ST6GALNAC3: variants seen among roughly 807,000 people sequenced by gnomAD.
The protein encoded by ST6GALNAC3 is alpha-N-acetylgalactosaminide alpha-2,6-sialyltransferase 3.
A neutral mutation model predicts 32.7 loss-of-function variants in ST6GALNAC3; 25 were observed. The ratio of observed to expected loss-of-function variants is 0.76; its 90% CI spans 0.56 to 1.07. ST6GALNAC3 has a LOEUF of 1.07. Among genes scored for constraint, ST6GALNAC3 ranks in the 50% least tolerant of loss-of-function variants. The pLI, the probability that ST6GALNAC3 is intolerant of heterozygous loss-of-function variation, is 0.00. For missense variants in ST6GALNAC3, 355 were observed against 382.4 expected (o/e 0.93, Z 0.60); for synonymous variants, 129 against 133.1 (o/e 0.97, Z 0.21).
chr1:76,183,540 A>T (rs1328430345), intron 1 of ST6GALNAC3, among the ~76,000 whole-genome samples: 1 of 152,040 alleles, frequency 6.6e-6, no homozygotes, highest in East Asian at 1.9e-4. Flanking sequence ...AATAACAGGG[A>T]TACATTCTGA....
chr1:76,158,300 G>A (rs1651591169), intron 1 of ST6GALNAC3, among the ~76,000 whole-genome samples: 1 of 152,040 alleles, frequency 6.6e-6, no homozygotes, highest in South Asian at 2.1e-4. Flanking sequence ...GAATATATGG[G>A]AGGAGGGATC....
intron 3 of ST6GALNAC3, among the ~76,000 whole-genome samples, chr1:76,474,844 T>G (rs1006290275): frequency 2.0e-5 from 3 of 152,178 alleles, no homozygotes; most frequent in African/African-American, 7.2e-5. Flanking sequence ...TTGCACCTTA[T>G]TTTAGTTGCA....
At chr1:76,427,751 C>A (rs1655492991) in intron 3 of ST6GALNAC3, among the ~76,000 whole-genome samples, 1 of 152,106 alleles carries the variant, frequency 6.6e-6, no homozygotes, top group African/African-American at 2.4e-5. Context: ...ATAACTGAGA[C>A]AACCCCATTG....
At chr1:76,487,545 C>T (rs1339739486) in intron 3 of ST6GALNAC3, among the ~76,000 whole-genome samples, 4 of 152,158 alleles carry the variant, frequency 2.6e-5, no homozygotes, top group Admixed American at 6.5e-5. Context: ...GCATTCATCG[C>T]GTAGTTCTCG....
At chr1:76,180,417 G>A (rs887819650) in intron 1 of ST6GALNAC3, among the ~76,000 whole-genome samples, 18 of 152,130 alleles carry the variant, frequency 1.2e-4, no homozygotes, top group African/African-American at 3.9e-4. Context: ...TGATGCCGAC[G>A]GGAGACAGGG....
intron 3 of ST6GALNAC3, among the ~76,000 whole-genome samples, chr1:76,571,789 T>C (rs1213130262): frequency 6.6e-6 from 1 of 152,086 alleles, no homozygotes; most frequent in Non-Finnish European, 1.5e-5. Flanking sequence ...CTGTACTTTG[T>C]ACTATTGGGT....
Position 76,630,468 on chromosome 1 carries a change from G to C in ST6GALNAC3, c.*1662G>C. The stretch of plus-strand genomic sequence containing the variant: ...TCATATACTCGTTGCTCATTAAATA[G>C]TAAAGGGTTGATTTGCTGCAAGAGT... On this transcript the variant is annotated 3_prime_UTR_variant, in exon 5 of 5. Transcript: ENST00000328299. 1 of 985,216 alleles carries C rather than the reference G, an allele frequency of 1.0e-6. No homozygotes were observed. The highest frequency in any genetic ancestry group is 1.2e-6 in the Non-Finnish European group (1 of 829,826). 61.0% of individuals were successfully genotyped at this position (985,216 alleles called of 1,614,324 possible).
chr1:76,478,722 A>T (rs1223780280), intron 3 of ST6GALNAC3, among the ~76,000 whole-genome samples: 1 of 150,786 alleles, frequency 6.6e-6, no homozygotes, highest in Non-Finnish European at 1.5e-5. Flanking sequence ...CTCTATGGTC[A>T]GATTCGTGAC....
intron 1 of ST6GALNAC3, among the ~76,000 whole-genome samples, chr1:76,254,288 G>C (rs1657792745): frequency 6.6e-6 from 1 of 152,094 alleles, no homozygotes; most frequent in African/African-American, 2.4e-5. Context: ...TGTTAAGCTG[G>C]ATACTGGTGT....
At chr1:76,126,418 C>T (rs1649246120) in intron 1 of ST6GALNAC3, among the ~76,000 whole-genome samples, 1 of 102,702 alleles carries the variant, frequency 9.7e-6, no homozygotes, top group Non-Finnish European at 2.1e-5. Context: ...CTCCCTCCCT[C>T]CTGCCTTTCC....
chr1:76,580,387 C>T (rs1194769977), intron 3 of ST6GALNAC3, among the ~76,000 whole-genome samples: 1 of 152,138 alleles, frequency 6.6e-6, no homozygotes. Flanking sequence ...CTTTCTGTTT[C>T]TTGCTCTTTC....
intron 1 of ST6GALNAC3, among the ~76,000 whole-genome samples, chr1:76,245,409 T>C (rs1275388240): frequency 6.6e-6 from 1 of 152,040 alleles, no homozygotes; most frequent in Non-Finnish European, 1.5e-5. Flanking sequence ...TTTTGAAGGG[T>C]TTTTTGTAGG....
At chr1:76,389,678 A>G (rs1652385431) in intron 2 of ST6GALNAC3, among the ~76,000 whole-genome samples, 1 of 152,256 alleles carries the variant, frequency 6.6e-6, no homozygotes, top group African/African-American at 2.4e-5. Context: ...CTTTAAGATC[A>G]TTTTTAACTC....
rs915285805 is a variant in ST6GALNAC3, at chr1:76,634,578, G to C, written c.*5772G>C. On this transcript the variant is annotated 3_prime_UTR_variant, in exon 5 of 5. Transcript: ENST00000328299. ...CTTTATTTATAAGCATTGTGTCTTAGAATAAAGCTTACAAAATGGCAAAGA... is the reference window on the plus strand; with the variant it reads ...CTTTATTTATAAGCATTGTGTCTTACAATAAAGCTTACAAAATGGCAAAGA... 2.7e-5 allele frequency: 4 copies of C among 150,122 alleles called. No homozygotes were observed. Among genetic ancestry groups the C allele is most frequent in the Non-Finnish European group, 4.4e-5 (3 of 67,674 alleles). The allele number at this position is 150,122 out of a possible 1,614,324, so 9.3% of individuals were successfully genotyped here. A position where few individuals can be genotyped will look rare whatever the true frequency, so the allele number is the denominator to read the frequency against.
At chr1:76,201,714 A>G (rs985815116) in intron 1 of ST6GALNAC3, among the ~76,000 whole-genome samples, 87 of 152,298 alleles carry the variant, frequency 5.7e-4, no homozygotes, top group African/African-American at 2.0e-3. Context: ...ATTAAAATAT[A>G]AGAGGAAAAA....
chr1:76,179,656 T>G (rs958840546), intron 1 of ST6GALNAC3, among the ~76,000 whole-genome samples: 1 of 152,182 alleles, frequency 6.6e-6, no homozygotes, highest in African/African-American at 2.4e-5. Flanking sequence ...CTCCATGACA[T>G]GGTGTTTCCC....
rs1190405966 is a variant in ST6GALNAC3 at position 76,631,534 on chromosome 1, A to G, written c.*2728A>G. On this transcript the variant is annotated 3_prime_UTR_variant, in exon 5 of 5. Transcript: ENST00000328299. ...TAGAGAAGAGCTTGGTAAGGGAGCAATTCAAGGAAACTATTTTGCCATGCA... is the reference window on the plus strand; with the variant it reads ...TAGAGAAGAGCTTGGTAAGGGAGCAGTTCAAGGAAACTATTTTGCCATGCA... The G allele has an allele frequency of 6.6e-6, 1 of 152,068 alleles. No individual in the cohort carries two copies. Among genetic ancestry groups the G allele is most frequent in the Admixed American group, 6.6e-5 (1 of 15,244 alleles). 9.4% of individuals were successfully genotyped at this position (152,068 alleles called of 1,614,324 possible). A position where few individuals can be genotyped will look rare whatever the true frequency, so the allele number is the denominator to read the frequency against.
chr1:76,388,646 C>T (rs1050133704), intron 2 of ST6GALNAC3, among the ~76,000 whole-genome samples: 4 of 152,138 alleles, frequency 2.6e-5, no homozygotes, highest in Admixed American at 6.5e-5. Flanking sequence ...TAGCCACCTC[C>T]GTAATATCCA....
At chr1:76,452,576 A>G (rs1031440151) in intron 3 of ST6GALNAC3, among the ~76,000 whole-genome samples, 5 of 152,172 alleles carry the variant, frequency 3.3e-5, no homozygotes, top group Non-Finnish European at 7.4e-5. Flanking sequence ...GTGGTGTATT[A>G]CATTTACTAA....
Sources: gnomAD v4.1 joint callset for allele counts (sites outside exome capture counted in the v4.1 genomes callset) on GRCh38, gnomAD v4.1.1 for gene constraint, MANE v1.5 for transcripts, NCBI Gene and HGNC (gene_info 2026-07-23, HGNC 2026-07-21) for gene names.